The following GPC6 variants were observed in gnomAD, a reference collection of about 807,000 sequenced individuals.
GPC6 encodes glypican 6.
In GPC6, 14 loss-of-function variants were observed where a neutral mutation model predicts 55.2. The ratio of observed to expected loss-of-function variants is 0.25; its 90% CI spans 0.17 to 0.40. The LOEUF (loss-of-function observed/expected upper bound fraction) is 0.40, where lower values mean the gene tolerates loss of function less well. GPC6 is among the 10% of genes least tolerant of loss of function. GPC6 has a pLI of 1.00. For missense variants in GPC6, 641 were observed against 708.5 expected, an observed-to-expected ratio of 0.90 and a Z score of 1.08; for synonymous variants, 278 against 259.6, an observed-to-expected ratio of 1.07 and a Z score of -0.68.
intron 2 of GPC6, among the ~76,000 whole-genome samples, chr13:93,809,276 C>G (rs1886628846): frequency 6.6e-6 from 1 of 152,128 alleles, no homozygotes; most frequent in African/African-American, 2.4e-5. Context: ...TACGCATTTC[C>G]ATTTCTAATA....
chr13:94,205,912 G>C (rs529342342), intron 4 of GPC6, among the ~76,000 whole-genome samples: 1 of 152,148 alleles, frequency 6.6e-6, no homozygotes, highest in Non-Finnish European at 1.5e-5. Flanking sequence ...CATCAGAGAC[G>C]TTTGGCAGTG....
intron 1 of GPC6, among the ~76,000 whole-genome samples, chr13:93,430,443 G>A (rs1185917007): frequency 6.6e-6 from 1 of 152,084 alleles, no homozygotes; most frequent in African/African-American, 2.4e-5. Context: ...TTAACTATGT[G>A]AGCCATGCCC....
At chr13:93,593,230 T>C (rs1353783713) in intron 2 of GPC6, among the ~76,000 whole-genome samples, 1 of 152,152 alleles carries the variant, frequency 6.6e-6, no homozygotes, top group African/African-American at 2.4e-5. Context: ...TTGATGAATA[T>C]GTCCTGCATT....
intron 1 of GPC6, among the ~76,000 whole-genome samples, chr13:93,538,816 T>G (rs74108588): frequency 0.015 from 2,281 of 152,310 alleles, 52 homozygotes; most frequent in African/African-American, 0.052. Flanking sequence ...TTTCTCTTTA[T>G]GCACTGCCCT....
chr13:93,694,040 G>A (rs754198373), intron 2 of GPC6, among the ~76,000 whole-genome samples: 1 of 152,152 alleles, frequency 6.6e-6, no homozygotes, highest in Non-Finnish European at 1.5e-5. Flanking sequence ...ATCCATAAAT[G>A]TTTCAGCATG....
intron 1 of GPC6, among the ~76,000 whole-genome samples, chr13:93,354,145 C>T (rs1221324162): frequency 6.6e-6 from 1 of 152,128 alleles, no homozygotes; most frequent in Non-Finnish European, 1.5e-5. Context: ...TAGTTTACCT[C>T]CCATAGATTT....
chr13:93,449,284 A>G (rs1383700488), intron 1 of GPC6, among the ~76,000 whole-genome samples: 1 of 152,232 alleles, frequency 6.6e-6, no homozygotes, highest in Non-Finnish European at 1.5e-5. Context: ...GGGATGGGTT[A>G]GGAATTACAG....
chr13:94,155,083 C>T (rs983592502), intron 4 of GPC6, among the ~76,000 whole-genome samples: 1 of 152,106 alleles, frequency 6.6e-6, no homozygotes, highest in Non-Finnish European at 1.5e-5. Context: ...TGCCTTCTAA[C>T]TACCAAGAAT....
At chr13:93,846,073 T>C (rs1471482337) in intron 3 of GPC6, among the ~76,000 whole-genome samples, 1 of 151,980 alleles carries the variant, frequency 6.6e-6, no homozygotes, top group African/African-American at 2.4e-5. Flanking sequence ...CAGGGAAGAA[T>C]CCTCCCTTCC....
At chr13:94,303,074 G>A (rs772988418) in intron 5 of GPC6, among the ~76,000 whole-genome samples, 8 of 152,246 alleles carry the variant, frequency 5.3e-5, no homozygotes, top group Non-Finnish European at 1.2e-4. Flanking sequence ...GGTCTGCAAC[G>A]GCAGCAAACA....
At chr13:94,149,268 A>G (rs1177753421) in intron 4 of GPC6, among the ~76,000 whole-genome samples, 2 of 152,228 alleles carry the variant, frequency 1.3e-5, no homozygotes, top group East Asian at 3.9e-4. Context: ...CCCCAAGAGG[A>G]CACAATGGAG....
intron 3 of GPC6, among the ~76,000 whole-genome samples, chr13:93,933,955 A>G (rs1878303974): frequency 6.6e-6 from 1 of 152,230 alleles, no homozygotes; most frequent in African/African-American, 2.4e-5. Flanking sequence ...TCAAGGAAAT[A>G]GCTTCACATC....
chr13:93,250,290 G>A (rs1876741089), intron 1 of GPC6, among the ~76,000 whole-genome samples: 1 of 152,226 alleles, frequency 6.6e-6, no homozygotes, highest in Admixed American at 6.5e-5. Context: ...ATTGCGGAGT[G>A]ATAAAGGAGT....
At chr13:93,291,795 T>C (rs1469093031) in intron 1 of GPC6, among the ~76,000 whole-genome samples, 1 of 152,084 alleles carries the variant, frequency 6.6e-6, no homozygotes, top group Non-Finnish European at 1.5e-5. Flanking sequence ...AGGAACAACA[T>C]TAATAGAGTG....
intron 2 of GPC6, among the ~76,000 whole-genome samples, chr13:93,745,068 T>C (rs1316557469): frequency 2.0e-5 from 3 of 152,030 alleles, no homozygotes; most frequent in Non-Finnish European, 2.9e-5. Context: ...GGTCAGTCAG[T>C]TCCCCAGGCT....
chr13:93,294,209 A>T (rs975875786), intron 1 of GPC6, among the ~76,000 whole-genome samples: 3 of 152,226 alleles, frequency 2.0e-5, no homozygotes, highest in Non-Finnish European at 4.4e-5. Context: ...CAAATATTAT[A>T]TATACAATTT....
chr13:94,226,405 T>C (rs1270501993), intron 4 of GPC6, among the ~76,000 whole-genome samples: 1 of 152,066 alleles, frequency 6.6e-6, no homozygotes, highest in Non-Finnish European at 1.5e-5. Flanking sequence ...TTTTTCAAAA[T>C]AGCTAGAAGA....
chr13:93,774,208 C>T lies in GPC6; in HGVS notation c.320-55946C>T, dbSNP rs548145803. Among the ~76,000 whole-genome samples the T allele has an allele frequency of 5.9e-5, 9 of 152,198 alleles. No homozygotes were observed. The South Asian group carries it at 1.2e-3, about 21-fold the overall frequency. On this transcript the variant is annotated intron_variant, in intron 2 of 8. Transcript: ENST00000377047. The stretch of plus-strand genomic sequence containing the variant: ...TCCTGTAGGCACTATTCCTAAGTAA[C>T]GCAGGTGGCCAGGAGAGTAGAACTG...
chr13:93,495,289 G>C (rs1340591027), intron 1 of GPC6, among the ~76,000 whole-genome samples: 3 of 150,532 alleles, frequency 2.0e-5, no homozygotes, highest in East Asian at 4.0e-4. Flanking sequence ...TTCCATTGTT[G>C]ATACCCTTTC....
Sources: gnomAD v4.1 joint callset for allele counts (sites outside exome capture counted in the v4.1 genomes callset) on GRCh38, gnomAD v4.1.1 for gene constraint, MANE v1.5 for transcripts, NCBI Gene and HGNC (gene_info 2026-07-23, HGNC 2026-07-21) for gene names.